Variants in OXR1 observed in about 807,000 individuals in gnomAD.
OXR1 encodes the protein oxidation resistance protein 1.
OXR1 carries 41 observed loss-of-function variants against 104.6 expected under a neutral mutation model. That is an observed-to-expected ratio of 0.39 (90% CI 0.31 to 0.51). OXR1 has a LOEUF of 0.51. Among genes scored for constraint, OXR1 ranks in the 20% least tolerant of loss-of-function variants. OXR1 has a pLI of 0.77. For synonymous variants in OXR1, 348 were observed against 348.4 expected, an observed-to-expected ratio of 1.00 and a Z score of 0.01; for missense variants, 955 against 1,031.9, an observed-to-expected ratio of 0.93 and a Z score of 1.02.
intron 2 of OXR1, among the ~76,000 whole-genome samples, chr8:106,475,035 A>G (rs1821724405): frequency 6.6e-6 from 1 of 151,910 alleles, no homozygotes; most frequent in Admixed American, 6.6e-5. Flanking sequence ...ATATAGTACT[A>G]GTACCTACCT....
chr8:106,624,992 A>C (rs1822031762), intron 3 of OXR1, among the ~76,000 whole-genome samples: 2 of 152,040 alleles, frequency 1.3e-5, no homozygotes, highest in South Asian at 4.1e-4. Context: ...GGGTTTCATC[A>C]CATTGCCCAA....
intron 2 of OXR1, among the ~76,000 whole-genome samples, chr8:106,452,170 T>C (rs1586658416): frequency 6.6e-6 from 1 of 152,286 alleles, no homozygotes; most frequent in East Asian, 1.9e-4. Context: ...AATTCTTCAA[T>C]GGTAAATTAA....
chr8:106,359,780 A>C, intron 2 of OXR1, 144 bp downstream of exon 2: 1 of 663,150 alleles, frequency 1.5e-6, no homozygotes, highest in Admixed American at 2.3e-5. Flanking sequence ...TGTTAGCGTA[A>C]AGAAAGCAAT....
intron 1 of OXR1, among the ~76,000 whole-genome samples, chr8:106,331,892 C>CG (rs1814727241): frequency 6.6e-6 from 1 of 151,492 alleles, no homozygotes; most frequent in African/African-American, 2.4e-5. Context: ...GAGACAAGAA[C>CG]GCACCACTGC....
chr8:106,744,244 G>GA (rs1301282120), intron 15 of OXR1, among the ~76,000 whole-genome samples: 1 of 152,128 alleles, frequency 6.6e-6, no homozygotes, highest in Non-Finnish European at 1.5e-5. Flanking sequence ...TGGCATAAAT[G>GA]AAAAAACCAT....
intron 2 of OXR1, among the ~76,000 whole-genome samples, chr8:106,374,197 G>T (rs946378276): frequency 6.6e-6 from 1 of 152,186 alleles, no homozygotes; most frequent in African/African-American, 2.4e-5. Context: ...TATATAAGGA[G>T]CATGGCTAAT....
At chr8:106,398,827 A>C (rs932550960) in intron 2 of OXR1, among the ~76,000 whole-genome samples, 1 of 152,148 alleles carries the variant, frequency 6.6e-6, no homozygotes, top group African/African-American at 2.4e-5. Flanking sequence ...GACATCTGAG[A>C]GTATAAACAT....
intron 3 of OXR1, among the ~76,000 whole-genome samples, chr8:106,573,579 A>C (rs988767539): frequency 6.6e-6 from 1 of 152,196 alleles, no homozygotes; most frequent in African/African-American, 2.4e-5. Context: ...TCTAGACTAG[A>C]TTGCTAATAT....
intron 3 of OXR1, among the ~76,000 whole-genome samples, chr8:106,543,129 G>T (rs1815087911): frequency 6.6e-6 from 1 of 152,106 alleles, no homozygotes; most frequent in Non-Finnish European, 1.5e-5. Flanking sequence ...GCAGAATTGA[G>T]GAAGGAGAAA....
At chr8:106,556,603 G>T (rs746551442) in intron 3 of OXR1, among the ~76,000 whole-genome samples, 1 of 152,082 alleles carries the variant, frequency 6.6e-6, no homozygotes, top group Non-Finnish European at 1.5e-5. Flanking sequence ...TTCACAAATT[G>T]TTCTAATTAA....
intron 3 of OXR1, among the ~76,000 whole-genome samples, chr8:106,574,915 C>G (rs1001790497): frequency 6.6e-6 from 1 of 152,174 alleles, no homozygotes; most frequent in Non-Finnish European, 1.5e-5. Flanking sequence ...TGACAATCAA[C>G]TACAATTCCG....
intron 3 of OXR1, chr8:106,658,139 G>T: frequency 8.0e-7 from 1 of 1,246,090 alleles, no homozygotes; most frequent in Non-Finnish European, 1.0e-6. Flanking sequence ...TCGGGTGCGG[G>T]TCCCCGCCCC....
intron 2 of OXR1, among the ~76,000 whole-genome samples, chr8:106,377,655 C>T (rs73305148): frequency 0.014 from 2,082 of 152,158 alleles, 54 homozygotes; most frequent in African/African-American, 0.047. Flanking sequence ...TACAGTCATC[C>T]GAGTTTCTGA....
intron 7 of OXR1, among the ~76,000 whole-genome samples, chr8:106,700,754 C>G (rs1242646588): frequency 1.3e-5 from 2 of 152,044 alleles, no homozygotes; most frequent in South Asian, 2.1e-4. Flanking sequence ...GAAAATCTTC[C>G]TAAAAGATAA....
chr8:106,600,767 A>C (rs1819912336), intron 3 of OXR1, among the ~76,000 whole-genome samples: 1 of 152,158 alleles, frequency 6.6e-6, no homozygotes. Context: ...CATGTCATAT[A>C]GGCTGATCTC....
At chr8:106,484,471 A>C (rs1158941263) in intron 2 of OXR1, among the ~76,000 whole-genome samples, 1 of 152,088 alleles carries the variant, frequency 6.6e-6, no homozygotes. Flanking sequence ...TTAAGAAAGC[A>C]AACAAAAGAA....
At chr8:106,663,242 G>C (rs1475384868) in intron 3 of OXR1, among the ~76,000 whole-genome samples, 1 of 152,118 alleles carries the variant, frequency 6.6e-6, no homozygotes, top group East Asian at 1.9e-4. Flanking sequence ...TGAAAAATCT[G>C]AGCCAAAGAA....
chr8:106,751,139 C>G lies in OXR1; in HGVS notation c.*198C>G. The stretch of plus-strand genomic sequence containing the variant: ...TGTCCCAGAGTTCTTTAGGTTAACA[C>G]TAGGGACTGCGTCCATGTACTAGTA... On this transcript the variant is annotated 3_prime_UTR_variant, in exon 17 of 17. Transcript: ENST00000517566. 1 of 440,154 alleles carries G rather than the reference C, an allele frequency of 2.3e-6. No homozygotes were observed. Among genetic ancestry groups the G allele is most frequent in the South Asian group, 4.6e-5 (1 of 21,812 alleles). 27.3% of individuals were successfully genotyped at this position (440,154 alleles called of 1,614,324 possible).
chr8:106,736,896 A>G (rs1393032452), intron 11 of OXR1, among the ~76,000 whole-genome samples: 1 of 152,224 alleles, frequency 6.6e-6, no homozygotes, highest in Non-Finnish European at 1.5e-5. Context: ...GGGCTGAAGC[A>G]GACATACTTA....
Sources: gnomAD v4.1 joint callset for allele counts (sites outside exome capture counted in the v4.1 genomes callset) on GRCh38, gnomAD v4.1.1 for gene constraint, MANE v1.5 for transcripts, NCBI Gene and HGNC (gene_info 2026-07-23, HGNC 2026-07-21) for gene names.